The following SEC16A variants were observed in gnomAD, a reference collection of about 807,000 sequenced individuals.
The protein encoded by SEC16A is SEC16 homolog A, endoplasmic reticulum export factor.
A neutral mutation model predicts 221.9 loss-of-function variants in SEC16A; 110 were observed. The observed-to-expected ratio is 0.50, with a 90% CI of 0.42 to 0.58. The LOEUF is 0.58. Among genes scored for constraint, SEC16A ranks in the 20% least tolerant of loss-of-function variants. The pLI is 0.00. For synonymous variants in SEC16A, 1,393 were observed against 1,257.7 expected, an observed-to-expected ratio of 1.11 and a Z score of -2.28; for missense variants, 3,165 against 3,097.8, an observed-to-expected ratio of 1.02 and a Z score of -0.52.
Position 136,459,503 on chromosome 9 carries a change from C to A in SEC16A, c.5244G>T (p.Ala1748=). Residue 1748 remains alanine (A), a synonymous_variant, in exon 16 of 32, where the codon GCG becomes GCT. Coordinates refer to ENST00000684901, the MANE Select transcript of SEC16A (RefSeq NM_014866.2). This position sits in a 1 kb window ranked among gnomAD's most constrained non-coding sequence, Gnocchi z 6.1. ...AAHFCYLMAQ[A]GFGVYTKKTT... is the part of the protein sequence containing the mutation. ...TTTTCTTCGTGTAAACACCAAATCC[C>A]GCCTGGGCCATGAGGTAGCAGAAGT... 2 of 1,607,432 alleles carry A rather than the reference C, an allele frequency of 1.2e-6. No homozygotes were observed. Among genetic ancestry groups the A allele is most frequent in the East Asian group, 4.5e-5 (2 of 44,664 alleles).
chr9:136,462,555 A>G (rs983255161), intron 12 of SEC16A, among the ~76,000 whole-genome samples: 4 of 152,240 alleles, frequency 2.6e-5, no homozygotes, highest in Non-Finnish European at 4.4e-5. Flanking sequence ...TGAGAATGCC[A>G]CAACTTGTGT....
At chr9:136,450,156 A>G (rs887023214) in intron 23 of SEC16A, among the ~76,000 whole-genome samples, 2 of 152,144 alleles carry the variant, frequency 1.3e-5, no homozygotes, top group African/African-American at 4.8e-5. Flanking sequence ...GTGAGCCAAG[A>G]TCATGCCAAT....
chr9:136,478,454 A>C (rs1432772111), intron 2 of SEC16A, among the ~76,000 whole-genome samples: 1 of 151,962 alleles, frequency 6.6e-6, no homozygotes, highest in Non-Finnish European at 1.5e-5. Context: ...CATACATGTT[A>C]ATTTTAAATT....
chr9:136,454,469 A>G, intron 20 of SEC16A, 142 bp from the exon 21 acceptor site: 1 of 823,208 alleles, frequency 1.2e-6, no homozygotes, highest in Non-Finnish European at 2.0e-6. Context: ...CAGAGCAGAA[A>G]GCCTGAAGCC....
intron 20 of SEC16A, 49 bp downstream of exon 20, chr9:136,455,552 C>A (rs757849512): frequency 8.4e-5 from 125 of 1,491,708 alleles, no homozygotes; most frequent in Non-Finnish European, 1.0e-4. Flanking sequence ...GCTCAGCCCA[C>A]AGGAAGCAGG....
chr9:136,448,784 G>A (rs1444711331), intron 23 of SEC16A: 3 of 714,680 alleles, frequency 4.2e-6, no homozygotes, highest in Non-Finnish European at 7.8e-6. Flanking sequence ...GAGGATGGAG[G>A]TGGGGAGCAG....
rs796462449 is a variant in SEC16A, at chr9:136,463,296, C to G, written c.4648-164G>C. Among the ~76,000 whole-genome samples the G allele has an allele frequency of 2.0e-5, 3 of 152,230 alleles. No individual in the cohort carries two copies. In the East Asian group the frequency reaches 5.8e-4, roughly 29 times the overall value. ...CCTCATCCCATCCCAACCGCACGTT[C>G]CCTCTCCCTCCCTACCCAGCCACTA... is the stretch of plus-strand genomic sequence containing the variant. On this transcript the variant is annotated intron_variant, in intron 11 of 31. Coordinates refer to ENST00000684901, the MANE Select transcript of SEC16A (RefSeq NM_014866.2).
At chr9:136,457,628 C>T (rs1275685579) in intron 17 of SEC16A, 44 bp from the exon 18 acceptor site, 14 of 1,577,132 alleles carry the variant, frequency 8.9e-6, no homozygotes, top group South Asian at 1.2e-5. Context: ...CCCCCGCGTC[C>T]GAGCATCGCC....
At chr9:136,444,446 C>G (rs1052613007) in intron 30 of SEC16A, among the ~76,000 whole-genome samples, 4 of 152,180 alleles carry the variant, frequency 2.6e-5, no homozygotes, top group African/African-American at 9.7e-5. Context: ...AGCATCCTGA[C>G]CGGGGAAACA....
Position 136,441,675 on chromosome 9 carries a change from G to T in SEC16A, c.*80C>A. ...GCTGTGTCTCCCTGGGGGCGGGACG[G>T]AGATCGCGGAGGTCGGTCGGGTTCT... is the stretch of plus-strand genomic sequence containing the variant. On this transcript the variant is annotated 3_prime_UTR_variant, in exon 32 of 32. Transcript: ENST00000684901. 1 of 1,291,546 alleles carries T rather than the reference G, an allele frequency of 7.7e-7. No individual in the cohort carries two copies. Among genetic ancestry groups the T allele is most frequent in the Non-Finnish European group, 1.1e-6 (1 of 893,304 alleles). The allele number at this position is 1,291,546 out of a possible 1,614,324, so 80.0% of individuals were successfully genotyped here.
rs774122882 is a variant in SEC16A at position 136,477,365 on chromosome 9, G to T, written c.251C>A (p.Ala84Glu). 16 of 1,613,870 alleles carry T rather than the reference G, an allele frequency of 9.9e-6. No individual in the cohort carries two copies. The South Asian group carries it at 1.8e-4, about 18-fold the overall frequency. ...CAAACCGGGGTGCTGAGAAAACCCT[G>T]CGGGGGCTGGGCCTTGCAAGACAGG... ...SPPVLQGPAPAGFSQHPGLLV... is the reference protein window; with the variant it reads ...SPPVLQGPAPEGFSQHPGLLV... The change falls in exon 3 of 32, where the codon GCA (alanine) becomes GAA (glutamate). Residue 84 changes from alanine to glutamate, a missense_variant. Transcript: ENST00000684901.
At chr9:136,443,205 C>T (rs769294451) in intron 31 of SEC16A, among the ~76,000 whole-genome samples, 1 of 148,606 alleles carries the variant, frequency 6.7e-6, no homozygotes, top group Admixed American at 6.9e-5. Context: ...AAAGCGAATA[C>T]AGGAGCACGG....
In SEC16A at chr9:136,476,557, A is replaced by G. The variant is rs918050300; in HGVS notation, c.1059T>C (p.Ala353=). Residue 353 remains alanine (A), a synonymous_variant, in exon 3 of 32, where the codon GCT becomes GCC. Coordinates refer to ENST00000684901, the MANE Select transcript of SEC16A (RefSeq NM_014866.2). ...PENRTHHPLG[A]GAGSGCAPLE... ...GCGGGGCACAGCCAGACCCGGCCCCAGCCCCCAGTGGGTGGTGCGTACGGT... is the reference window on the plus strand; with the variant it reads ...GCGGGGCACAGCCAGACCCGGCCCCGGCCCCCAGTGGGTGGTGCGTACGGT... The G allele has an allele frequency of 1.9e-6, 3 of 1,610,686 alleles. No homozygotes were observed. The highest frequency in any genetic ancestry group is 2.5e-6 in the Non-Finnish European group (3 of 1,177,816).
chr9:136,451,617 G>C (rs545850170), intron 22 of SEC16A, among the ~76,000 whole-genome samples: 1 of 152,174 alleles, frequency 6.6e-6, no homozygotes, highest in Non-Finnish European at 1.5e-5. Flanking sequence ...GACTAGAGAA[G>C]AGCCAGCCGC....
intron 31 of SEC16A, 43 bp downstream of exon 31, chr9:136,443,780 T>C: frequency 6.7e-7 from 1 of 1,488,604 alleles, no homozygotes; most frequent in Non-Finnish European, 9.3e-7. Flanking sequence ...AGGTCGTCAG[T>C]GGGCGTGTTA....
rs1284920367 is a variant in SEC16A, at chr9:136,440,138, T to C, written c.*1617A>G. The stretch of plus-strand genomic sequence containing the variant: ...GCGCAAAATATTTTATTCAACAATT[T>C]GCAATGTAACAATTCTCATTTAGGA... On this transcript the variant is annotated 3_prime_UTR_variant, in exon 32 of 32. Coordinates refer to ENST00000684901, the MANE Select transcript of SEC16A (RefSeq NM_014866.2). 1 of 152,296 alleles carries C rather than the reference T, an allele frequency of 6.6e-6. No homozygotes were observed. Among genetic ancestry groups the C allele is most frequent in the Non-Finnish European group, 1.5e-5 (1 of 68,034 alleles). 9.4% of individuals were successfully genotyped at this position (152,296 alleles called of 1,614,324 possible).
intron 30 of SEC16A, among the ~76,000 whole-genome samples, chr9:136,444,657 C>T (rs1836691084): frequency 1.3e-5 from 2 of 152,022 alleles, no homozygotes; most frequent in Non-Finnish European, 2.9e-5. Context: ...GAGGCTGAGG[C>T]GGGCGGATCA....
At chr9:136,454,433 C>T in intron 20 of SEC16A, 106 bp from the exon 21 acceptor site, 3 of 1,068,920 alleles carry the variant, frequency 2.8e-6, no homozygotes, top group South Asian at 1.4e-5. Flanking sequence ...TTGTACAGCC[C>T]CATTTCTTTT....
intron 19 of SEC16A, 44 bp from the exon 20 acceptor site, chr9:136,455,837 G>A (rs374818162): frequency 1.8e-5 from 28 of 1,516,758 alleles, no homozygotes; most frequent in South Asian, 3.8e-5. Flanking sequence ...GCCTGTGGCC[G>A]CTCTGCAGCG....
Sources: allele counts gnomAD v4.1 joint callset (sites outside exome capture counted in the v4.1 genomes callset), GRCh38; gene constraint gnomAD v4.1.1; non-coding constraint Gnocchi (gnomAD v3.1); transcripts MANE v1.5; gene names NCBI Gene and HGNC (gene_info 2026-07-23, HGNC 2026-07-21).